LNPEP: variants seen among roughly 807,000 people sequenced by gnomAD.
The protein encoded by LNPEP is leucyl-cystinyl aminopeptidase.
A neutral mutation model predicts 120.6 loss-of-function variants in LNPEP; 64 were observed. The ratio of observed to expected loss-of-function variants is 0.53; its 90% CI spans 0.43 to 0.65. The LOEUF is 0.65. Among genes scored for constraint, LNPEP ranks in the 30% least tolerant of loss-of-function variants. The probability of loss-of-function intolerance (pLI) is 0.00; values close to 1 mark genes in which losing one functional copy is unlikely to be tolerated. For missense variants in LNPEP, 1,057 were observed against 1,200.0 expected (o/e 0.88, Z 1.76); for synonymous variants, 435 against 425.4 (o/e 1.02, Z -0.28).
chr5:97,009,273 C>T (rs753019641), intron 11 of LNPEP, among the ~76,000 whole-genome samples: 53 of 152,210 alleles, frequency 3.5e-4, no homozygotes, highest in Non-Finnish European at 6.8e-4. Flanking sequence ...GTTTAGATGC[C>T]CTACTTAGGT....
At chr5:96,958,253 T>C (rs1304274570) in intron 1 of LNPEP, among the ~76,000 whole-genome samples, 1 of 152,252 alleles carries the variant, frequency 6.6e-6, no homozygotes, top group East Asian at 1.9e-4. Flanking sequence ...GTCTAGACTT[T>C]CAATTTTTTT....
At chr5:97,012,680 A>G (rs1401064207) in intron 11 of LNPEP, among the ~76,000 whole-genome samples, 1 of 152,206 alleles carries the variant, frequency 6.6e-6, no homozygotes, top group Non-Finnish European at 1.5e-5. Flanking sequence ...CAACTTTAAA[A>G]GACATTTCTT....
chr5:97,015,257 GA>G (rs1191646660), intron 13 of LNPEP, among the ~76,000 whole-genome samples, 162 bp downstream of exon 13: 1 of 152,078 alleles, frequency 6.6e-6, no homozygotes, highest in East Asian at 1.9e-4. Flanking sequence ...TGTTGCTTAT[GA>G]TGAAGAGCTG....
intron 1 of LNPEP, among the ~76,000 whole-genome samples, chr5:96,955,894 A>G (rs907452418): frequency 7.2e-5 from 11 of 152,210 alleles, no homozygotes; most frequent in Non-Finnish European, 1.2e-4. Flanking sequence ...TGTTTGTGCC[A>G]TTTCACATTT....
chr5:96,936,791 CT>C (rs1381042767), intron 1 of LNPEP: 1 of 151,500 alleles, frequency 6.6e-6, no homozygotes, highest in Non-Finnish European at 1.5e-5. Context: ...CACGCATCCC[CT>C]CACTGGCTGC....
rs7721716 is a variant in LNPEP, at chr5:96,966,449, A to G, written c.20-12689A>G. Among the ~76,000 whole-genome samples the G allele has an allele frequency of 4.0e-3, 603 of 151,956 alleles. 6 individuals carry two copies. Among genetic ancestry groups the G allele is most frequent in the African/African-American group, 0.014 (586 of 41,430 alleles). ...TGGGAGTTTGAAGTTGCAGTGAGCT[A>G]TAATTGTGCCATTGCACTCCAACCT... On this transcript the variant is annotated intron_variant, in intron 1 of 17. Coordinates refer to ENST00000231368, the MANE Select transcript of LNPEP (RefSeq NM_005575.3).
At chr5:96,982,438 G>A (rs904411601) in intron 2 of LNPEP, among the ~76,000 whole-genome samples, 4 of 152,192 alleles carry the variant, frequency 2.6e-5, no homozygotes, top group Non-Finnish European at 5.9e-5. Context: ...GTATTATCAA[G>A]CAGCAGCCTT....
chr5:96,955,135 T>G (rs1417489933), intron 1 of LNPEP, among the ~76,000 whole-genome samples: 1 of 151,960 alleles, frequency 6.6e-6, no homozygotes, highest in Non-Finnish European at 1.5e-5. Context: ...CTTCTATCCC[T>G]CTTTTCATAC....
intron 1 of LNPEP, among the ~76,000 whole-genome samples, chr5:96,948,952 C>T (rs1201503349): frequency 6.6e-6 from 1 of 152,126 alleles, no homozygotes; most frequent in Non-Finnish European, 1.5e-5. Context: ...AAGGATATTA[C>T]CAGAATATCT....
chr5:96,987,651 G>A (rs944324723), intron 4 of LNPEP, among the ~76,000 whole-genome samples: 25 of 152,304 alleles, frequency 1.6e-4, no homozygotes, highest in African/African-American at 6.0e-4. Flanking sequence ...AATACTGTAT[G>A]CCTTTAATGA....
Position 97,034,341 on chromosome 5 carries a change from C to T in LNPEP, c.*5808C>T, listed in dbSNP as rs1432414075. ...CTATGAAAAAATCTCCCCTTCTCCC[C>T]TTCCCTTATTGCCTGTCTTGGCAAT... On this transcript the variant is annotated 3_prime_UTR_variant, in exon 18 of 18. Coordinates refer to ENST00000231368, the MANE Select transcript of LNPEP (RefSeq NM_005575.3). The T allele has an allele frequency of 6.6e-6, 1 of 152,014 alleles. No homozygotes were observed. The highest frequency in any genetic ancestry group is 1.5e-5 in the Non-Finnish European group (1 of 68,012). 9.4% of individuals were successfully genotyped at this position (152,014 alleles called of 1,614,324 possible). A position where few individuals can be genotyped will look rare whatever the true frequency, so the allele number is the denominator to read the frequency against.
At chr5:96,976,731 T>C (rs976537601) in intron 1 of LNPEP, among the ~76,000 whole-genome samples, 1 of 151,648 alleles carries the variant, frequency 6.6e-6, no homozygotes, top group Admixed American at 6.6e-5. Context: ...AAAAAAGGCC[T>C]TTTTAGACAT....
chr5:97,005,360 G>T (rs1260174351), intron 9 of LNPEP, among the ~76,000 whole-genome samples: 1 of 152,026 alleles, frequency 6.6e-6, no homozygotes, highest in Non-Finnish European at 1.5e-5. Context: ...CTTAGTTATT[G>T]ATACTAGATG....
intron 1 of LNPEP, among the ~76,000 whole-genome samples, chr5:96,977,991 T>A (rs530916124): frequency 6.6e-6 from 1 of 152,340 alleles, no homozygotes; most frequent in African/African-American, 2.4e-5. Context: ...GACGAATTAA[T>A]CTATTTCTCT....
chr5:96,998,398 T>C (rs1639155774), intron 8 of LNPEP, among the ~76,000 whole-genome samples: 2 of 152,310 alleles, frequency 1.3e-5, no homozygotes, highest in Admixed American at 1.3e-4. Context: ...GCGATGCATC[T>C]TTTAAAGTCA....
At chr5:96,959,813 T>C in intron 1 of LNPEP, among the ~76,000 whole-genome samples, 1 of 152,302 alleles carries the variant, frequency 6.6e-6, no homozygotes, top group South Asian at 2.1e-4. Flanking sequence ...TATGAAAATT[T>C]CTTGTGCATT....
chr5:97,011,926 T>G (rs1790937951), intron 11 of LNPEP, among the ~76,000 whole-genome samples: 1 of 152,244 alleles, frequency 6.6e-6, no homozygotes, highest in South Asian at 2.1e-4. Flanking sequence ...ATCTGACACA[T>G]TTGAATAATT....
intron 1 of LNPEP, among the ~76,000 whole-genome samples, chr5:96,951,348 T>C (rs973256809): frequency 6.3e-4 from 96 of 152,166 alleles, no homozygotes; most frequent in African/African-American, 2.2e-3. Context: ...AAGCTCCGCC[T>C]CCCGGGTTCA....
rs1222336802 is a variant in LNPEP at position 96,979,963 on chromosome 5, A to G, written c.845A>G (p.Glu282Gly). 6.3e-7 allele frequency: 1 copy of G among 1,585,564 alleles called. No homozygotes were observed. Among genetic ancestry groups the G allele is most frequent in the African/African-American group, 1.4e-5 (1 of 73,562 alleles). The change falls in exon 2 of 18, where the codon GAA becomes GGA. Residue 282 changes from glutamate (E) to glycine (G), a missense_variant. Glu to Gly is a moderately conservative substitution (Grantham distance 98). Coordinates refer to ENST00000231368, the MANE Select transcript of LNPEP (RefSeq NM_005575.3). ...YGFYGFSYTDESNEKKYFAAT... is the reference protein window; with the variant it reads ...YGFYGFSYTDGSNEKKYFAAT... Reference sequence around the variant, plus strand: ...TTTTATGGCTTCTCCTACACAGATGAAAGTAATGAGAAAAAGTAGGTAGCC... The same window carrying G: ...TTTTATGGCTTCTCCTACACAGATGGAAGTAATGAGAAAAAGTAGGTAGCC...
Sources: gnomAD v4.1 joint callset for allele counts (sites outside exome capture counted in the v4.1 genomes callset) on GRCh38, gnomAD v4.1.1 for gene constraint, MANE v1.5 for transcripts, NCBI Gene and HGNC (gene_info 2026-07-23, HGNC 2026-07-21) for gene names.